CTNND2: variants seen among roughly 807,000 people sequenced by gnomAD.
CTNND2 encodes the protein catenin delta-2.
A neutral mutation model predicts 144.4 loss-of-function variants in CTNND2; 22 were observed. That is an observed-to-expected ratio of 0.15 (90% CI 0.11 to 0.22). The LOEUF (loss-of-function observed/expected upper bound fraction) is 0.22, where lower values mean the gene tolerates loss of function less well. Ranked by LOEUF, CTNND2 falls within the 10% of genes least tolerant of loss-of-function variation. The probability of loss-of-function intolerance (pLI) is 1.00; values close to 1 mark genes in which losing one functional copy is unlikely to be tolerated. For missense variants in CTNND2, 1,353 were observed against 1,618.8 expected, an observed-to-expected ratio of 0.84 and a Z score of 2.82; for synonymous variants, 751 against 695.6, an observed-to-expected ratio of 1.08 and a Z score of -1.25.
intron 18 of CTNND2, among the ~76,000 whole-genome samples, chr5:11,015,551 A>G (rs1741522039): frequency 6.6e-6 from 1 of 152,202 alleles, no homozygotes; most frequent in Non-Finnish European, 1.5e-5. Context: ...GGAAATAGAC[A>G]GACAATTATG....
chr5:11,538,701 T>G (rs1581442276), intron 3 of CTNND2, among the ~76,000 whole-genome samples: 2 of 152,150 alleles, frequency 1.3e-5, no homozygotes, highest in Non-Finnish European at 2.9e-5. Context: ...AGAATGTGAG[T>G]AATTGATTTC....
chr5:11,218,650 C>T (rs957639767), intron 10 of CTNND2, among the ~76,000 whole-genome samples: 3 of 152,178 alleles, frequency 2.0e-5, no homozygotes, highest in Non-Finnish European at 2.9e-5. Context: ...GCTTGAACTA[C>T]GTTGAATACT....
At chr5:11,185,012 C>T (rs1735479159) in intron 11 of CTNND2, among the ~76,000 whole-genome samples, 1 of 152,036 alleles carries the variant, frequency 6.6e-6, no homozygotes, top group South Asian at 2.1e-4. Context: ...ACACACATGC[C>T]CACCCCTGCA....
At chr5:11,378,321 G>GC (rs1398181978) in intron 7 of CTNND2, among the ~76,000 whole-genome samples, 6 of 152,172 alleles carry the variant, frequency 3.9e-5, no homozygotes, top group Admixed American at 3.9e-4. Flanking sequence ...AGGGGCTGGA[G>GC]CCCAGAGGCA....
intron 9 of CTNND2, among the ~76,000 whole-genome samples, chr5:11,336,414 A>G (rs762015794): frequency 6.6e-6 from 1 of 152,214 alleles, no homozygotes; most frequent in African/African-American, 2.4e-5. Context: ...CAAAAATTTT[A>G]TAGCTACTAT....
chr5:11,239,643 A>G (rs1395409362), intron 9 of CTNND2, among the ~76,000 whole-genome samples: 1 of 152,222 alleles, frequency 6.6e-6, no homozygotes, highest in East Asian at 1.9e-4. Flanking sequence ...AGACACTCCC[A>G]TGACCTTGGA....
intron 3 of CTNND2, among the ~76,000 whole-genome samples, chr5:11,477,102 T>C (rs1561450497): frequency 6.6e-6 from 1 of 152,226 alleles, no homozygotes; most frequent in Non-Finnish European, 1.5e-5. Context: ...TGATTGTCTA[T>C]TTTGTGGATT....
chr5:11,494,270 T>C (rs192443722), intron 3 of CTNND2, among the ~76,000 whole-genome samples: 15 of 152,304 alleles, frequency 9.8e-5, no homozygotes, highest in Non-Finnish European at 1.5e-5. Context: ...TTTGTTGTTA[T>C]ATAATCAAAC....
At chr5:11,894,395 C>G (rs746671349) in intron 1 of CTNND2, among the ~76,000 whole-genome samples, 1 of 152,134 alleles carries the variant, frequency 6.6e-6, no homozygotes, top group South Asian at 2.1e-4. Context: ...ATTACTTCTA[C>G]GGATGGATAA....
At chr5:11,845,204 G>A (rs1334383594) in intron 1 of CTNND2, among the ~76,000 whole-genome samples, 2 of 152,144 alleles carry the variant, frequency 1.3e-5, no homozygotes, top group Non-Finnish European at 2.9e-5. Flanking sequence ...CTGCCAGTCA[G>A]CTTTATAAAA....
At chr5:11,432,410 G>A (rs913702385) in intron 3 of CTNND2, among the ~76,000 whole-genome samples, 1 of 152,138 alleles carries the variant, frequency 6.6e-6, no homozygotes, top group Non-Finnish European at 1.5e-5. Flanking sequence ...GGAAATCCCA[G>A]GGGAGTGTTG....
chr5:11,067,360 T>C (rs541835371), intron 16 of CTNND2, among the ~76,000 whole-genome samples: 1 of 152,324 alleles, frequency 6.6e-6, no homozygotes, highest in South Asian at 2.1e-4. Flanking sequence ...ATATTTTCTG[T>C]TTATTTTTCT....
intron 14 of CTNND2, among the ~76,000 whole-genome samples, chr5:11,106,039 G>A (rs987088170): frequency 6.6e-6 from 1 of 152,176 alleles, no homozygotes; most frequent in African/African-American, 2.4e-5. Context: ...GGAAATGAAA[G>A]CCTAGGAGCA....
chr5:11,711,215 C>G (rs1786011793), intron 2 of CTNND2, among the ~76,000 whole-genome samples: 1 of 152,086 alleles, frequency 6.6e-6, no homozygotes, highest in Non-Finnish European at 1.5e-5. Context: ...GCCACCACGC[C>G]AGGCTAATTT....
In CTNND2 at chr5:11,732,260, A is replaced by T. The variant is rs762347468; in HGVS notation, c.50T>A (p.Val17Asp). 4 of 1,613,656 alleles carry T rather than the reference A, an allele frequency of 2.5e-6. No homozygotes were observed. The African/African-American group carries it at 4.0e-5, about 16-fold the overall frequency. ...PGAAPLGAMPVPDQPSSASEK... is the reference protein window; with the variant it reads ...PGAAPLGAMPDPDQPSSASEK... ...TGAGGCTGATGAAGGCTGGTCTGGA[A>T]CAGGCATAGCTCCTGCAAGGCAAGA... Residue 17 changes from valine (V) to aspartate (D), a missense_variant, in exon 2 of 22, where the codon GTT (valine) becomes GAT (aspartate). Physicochemically the swap from Val to Asp is radical, Grantham distance 152 (BLOSUM62 -3). Coordinates refer to ENST00000304623, the MANE Select transcript of CTNND2 (RefSeq NM_001332.4).
chr5:11,280,655 A>G (rs1483131355), intron 9 of CTNND2, among the ~76,000 whole-genome samples: 1 of 152,104 alleles, frequency 6.6e-6, no homozygotes, highest in African/African-American at 2.4e-5. Flanking sequence ...CGACATATAC[A>G]TTTTTTGGAA....
chr5:11,150,235 G>A (rs2149751175), intron 12 of CTNND2, among the ~76,000 whole-genome samples: 1 of 152,236 alleles, frequency 6.6e-6, no homozygotes, highest in East Asian at 1.9e-4. Flanking sequence ...AGAACCCAGG[G>A]AACCAGACCT....
intron 3 of CTNND2, among the ~76,000 whole-genome samples, chr5:11,448,861 AGTTTGTTT>A (rs753849626): frequency 6.6e-6 from 1 of 151,294 alleles, no homozygotes; most frequent in Admixed American, 6.6e-5. Context: ...CTTGTTTGCT[AGTTTGTTT>A]GTTTGTTTGT....
chr5:11,559,754 G>A (rs1776537272), intron 3 of CTNND2, among the ~76,000 whole-genome samples: 4 of 152,128 alleles, frequency 2.6e-5, no homozygotes, highest in Admixed American at 2.6e-4. Context: ...CCTTCAGTGG[G>A]GGCTGTGGCT....
Sources: allele counts gnomAD v4.1 joint callset (sites outside exome capture counted in the v4.1 genomes callset), GRCh38; gene constraint gnomAD v4.1.1; transcripts MANE v1.5; gene names NCBI Gene and HGNC (gene_info 2026-07-23, HGNC 2026-07-21).